FAF1: variants seen among roughly 807,000 people sequenced by gnomAD.
FAF1 encodes Fas associated factor 1.
A neutral mutation model predicts 92.5 loss-of-function variants in FAF1; 25 were observed. The observed-to-expected ratio is 0.27, with a 90% confidence interval of 0.20 to 0.38. The LOEUF (loss-of-function observed/expected upper bound fraction) is 0.38, where lower values mean the gene tolerates loss of function less well. FAF1 is among the 10% of genes least tolerant of loss of function. The probability of loss-of-function intolerance (pLI) is 1.00; values close to 1 mark genes in which losing one functional copy is unlikely to be tolerated. For synonymous variants in FAF1, 234 were observed against 273.2 expected (o/e 0.86, Z 1.42); for missense variants, 636 against 793.3 (o/e 0.80, Z 2.38).
chr1:50,766,464 G>T (rs1426109610), intron 4 of FAF1, among the ~76,000 whole-genome samples: 2 of 152,070 alleles, frequency 1.3e-5, no homozygotes, highest in Non-Finnish European at 2.9e-5. Context: ...AACCACTCTG[G>T]GGAAGTGCTG....
intron 13 of FAF1, among the ~76,000 whole-genome samples, chr1:50,558,089 G>C (rs1005154058): frequency 2.0e-5 from 3 of 151,884 alleles, no homozygotes; most frequent in African/African-American, 7.3e-5. Flanking sequence ...AGTACAGACA[G>C]GGTTTCACTA....
rs536046153 is a variant in FAF1, at chr1:50,525,445, G to GT, written c.1494+9923dup. ...GTTTGCTGACTTTGTTTTAAGCTCA[G>GT]TTTTTTTGTTGGTGTGGAATCTCTA... is the stretch of plus-strand genomic sequence containing the variant. On this transcript the variant is annotated intron_variant, in intron 15 of 18. Transcript: ENST00000396153. 5.8e-4 allele frequency among the ~76,000 whole-genome samples: 89 copies of GT among 152,250 alleles called. 1 individual carries two copies. In the East Asian group the frequency reaches 8.9e-3, roughly 15 times the overall value.
rs899057638 is a variant in FAF1 at position 50,665,739 on chromosome 1, C to A, written c.658-10211G>T. ...TCTTCCCAGAAAAAAATTTGCTGAC[C>A]CCTAATATGGAAGAATATTTGGTTA... is the stretch of plus-strand genomic sequence containing the variant. On this transcript the variant is annotated intron_variant, in intron 7 of 18. Transcript: ENST00000396153. 2.0e-5 allele frequency among the ~76,000 whole-genome samples: 3 copies of A among 152,086 alleles called. No homozygotes were observed. In the East Asian group the frequency reaches 5.8e-4, roughly 29 times the overall value.
At chr1:50,682,669 A>G (rs781108745) in intron 7 of FAF1, among the ~76,000 whole-genome samples, 4 of 152,244 alleles carry the variant, frequency 2.6e-5, no homozygotes, top group Non-Finnish European at 4.4e-5. Context: ...TATTATATAT[A>G]CTGGTATTAT....
At chr1:50,556,257 A>AG in intron 13 of FAF1, among the ~76,000 whole-genome samples, 1 of 151,304 alleles carries the variant, frequency 6.6e-6, no homozygotes, top group East Asian at 1.9e-4. Context: ...AAAAAAAAAA[A>AG]AAAGAATAAG....
intron 1 of FAF1, among the ~76,000 whole-genome samples, chr1:50,902,840 C>G (rs7525655): frequency 6.6e-6 from 1 of 151,562 alleles, no homozygotes; most frequent in African/African-American, 2.4e-5. Flanking sequence ...GGTTTTCTCC[C>G]GAATATTTTC....
At chr1:50,701,971 G>T (rs936557658) in intron 7 of FAF1, among the ~76,000 whole-genome samples, 1 of 152,010 alleles carries the variant, frequency 6.6e-6, no homozygotes, top group Non-Finnish European at 1.5e-5. Context: ...GCTTCTTGTT[G>T]TAACAGATAA....
At chr1:50,573,377 G>T (rs1341133391) in intron 12 of FAF1, among the ~76,000 whole-genome samples, 1 of 152,146 alleles carries the variant, frequency 6.6e-6, no homozygotes, top group Non-Finnish European at 1.5e-5. Context: ...GAGATTACAG[G>T]CGTAAGCCAC....
In FAF1 at chr1:50,475,453, T is replaced by C; in HGVS notation, c.1869+11A>G. On this transcript the variant is annotated intron_variant, in intron 18 of 18. Transcript: ENST00000396153. ...CTGGATATACTTCCTGAGATAGGTA[T>C]GGGAACTTACGTCTCTCCTAGGAAA... 6.3e-7 allele frequency: 1 copy of C among 1,599,048 alleles called. No individual in the cohort carries two copies. Among genetic ancestry groups the C allele is most frequent in the Non-Finnish European group, 8.6e-7 (1 of 1,167,216 alleles).
intron 7 of FAF1, among the ~76,000 whole-genome samples, chr1:50,688,090 G>A (rs370152291): frequency 1.3e-5 from 2 of 151,250 alleles, no homozygotes; most frequent in Non-Finnish European, 2.9e-5. Context: ...AGCCGAGATC[G>A]CACCCACTGC....
In FAF1 at chr1:50,894,318, A is replaced by C. The variant is rs1298792763; in HGVS notation, c.46-36321T>G. On this transcript the variant is annotated intron_variant, in intron 1 of 18. Transcript: ENST00000396153. Reference sequence around the variant, plus strand: ...TGTCTCAAAATTAAAAAAAAAAAAAAAAAAAAAAAAAACTCCAAGGGCTCT... The same window carrying C: ...TGTCTCAAAATTAAAAAAAAAAAAACAAAAAAAAAAAACTCCAAGGGCTCT... Among the ~76,000 whole-genome samples, 5 of 144,626 alleles carry C rather than the reference A, an allele frequency of 3.5e-5. No individual in the cohort carries two copies. The South Asian group carries it at 6.3e-4, about 18-fold the overall frequency. 94.9% of individuals were successfully genotyped at this position (144,626 alleles called of 152,430 possible). A position where few individuals can be genotyped will look rare whatever the true frequency, so the allele number is the denominator to read the frequency against.
intron 7 of FAF1, among the ~76,000 whole-genome samples, chr1:50,665,326 G>A (rs1353304888): frequency 2.0e-5 from 3 of 152,180 alleles, no homozygotes; most frequent in Admixed American, 1.3e-4. Context: ...TACAATGTCA[G>A]AAGCAATATA....
chr1:50,933,623 T>C (rs1406550559), intron 1 of FAF1, among the ~76,000 whole-genome samples: 1 of 152,250 alleles, frequency 6.6e-6, no homozygotes, highest in African/African-American at 2.4e-5. Context: ...AACCTCTGCC[T>C]GTTACCCAGT....
intron 2 of FAF1, among the ~76,000 whole-genome samples, chr1:50,824,929 G>A (rs977258311): frequency 6.6e-6 from 1 of 152,102 alleles, no homozygotes; most frequent in African/African-American, 2.4e-5. Context: ...TAGAATGATG[G>A]GAGGGATAGG....
intron 13 of FAF1, among the ~76,000 whole-genome samples, chr1:50,543,223 C>A (rs1215766055): frequency 6.6e-6 from 1 of 152,112 alleles, no homozygotes; most frequent in East Asian, 1.9e-4. Context: ...GTCATAATTA[C>A]CTAAGTCACT....
intron 2 of FAF1, among the ~76,000 whole-genome samples, chr1:50,854,924 GGA>G (rs1644379121): frequency 6.6e-6 from 1 of 151,338 alleles, no homozygotes; most frequent in Non-Finnish European, 1.5e-5. Flanking sequence ...GGAACATTTT[GGA>G]TGATGTTTGA....
At chr1:50,529,810 T>C (rs1264844291) in intron 15 of FAF1, among the ~76,000 whole-genome samples, 1 of 152,192 alleles carries the variant, frequency 6.6e-6, no homozygotes. Context: ...CTCACAGCTG[T>C]GTTCTTAGGC....
intron 12 of FAF1, among the ~76,000 whole-genome samples, chr1:50,571,475 G>A (rs990711023): frequency 1.3e-5 from 2 of 152,202 alleles, no homozygotes; most frequent in African/African-American, 4.8e-5. Context: ...CATAGTAGGT[G>A]CTGAATGAAA....
At chr1:50,514,761 T>A (rs966081039) in intron 15 of FAF1, among the ~76,000 whole-genome samples, 5 of 152,224 alleles carry the variant, frequency 3.3e-5, no homozygotes, top group African/African-American at 1.2e-4. Context: ...ACTGGCTTAC[T>A]AATTTCTTTA....
Sources: gnomAD v4.1 joint callset for allele counts (sites outside exome capture counted in the v4.1 genomes callset) on GRCh38, gnomAD v4.1.1 for gene constraint, MANE v1.5 for transcripts, NCBI Gene and HGNC (gene_info 2026-07-23, HGNC 2026-07-21) for gene names.